The following MEGF6 variants were observed in gnomAD, a reference collection of about 807,000 sequenced individuals.
MEGF6 encodes the protein multiple epidermal growth factor-like domains protein 6.
Under a neutral mutation model 207.1 loss-of-function variants are expected in MEGF6, and 184 were observed. That is an observed-to-expected ratio of 0.89 (90% CI 0.79 to 1.00). The LOEUF (loss-of-function observed/expected upper bound fraction) is 1.00. Ranked by LOEUF, MEGF6 falls within the 50% of genes least tolerant of loss-of-function variation. The probability of loss-of-function intolerance (pLI) is 0.00; values close to 1 mark genes in which losing one functional copy is unlikely to be tolerated. For missense variants in MEGF6, 2,282 were observed against 2,202.9 expected (o/e 1.04, Z -0.72); for synonymous variants, 1,038 against 910.0 (o/e 1.14, Z -2.53).
At chr1:3,536,462 C>G (rs932128398) in intron 4 of MEGF6, among the ~76,000 whole-genome samples, 7 of 152,282 alleles carry the variant, frequency 4.6e-5, no homozygotes, top group African/African-American at 1.4e-4. Context: ...GCCGTCCCTC[C>G]TGCTAGGCTA....
intron 34 of MEGF6, chr1:3,493,307 G>A (rs1313095777): frequency 1.4e-5 from 3 of 221,414 alleles, no homozygotes; most frequent in Non-Finnish European, 9.0e-6. Flanking sequence ...CTATCCTCAG[G>A]TGGGTCCCTC....
intron 4 of MEGF6, among the ~76,000 whole-genome samples, chr1:3,551,586 G>A (rs7533321): frequency 0.087 from 13,293 of 152,100 alleles, 897 homozygotes; most frequent in African/African-American, 0.18. Flanking sequence ...CCCAGGATGC[G>A]GTCCAGCTCC....
intron 11 of MEGF6, among the ~76,000 whole-genome samples, chr1:3,509,470 G>A (rs1043721337): frequency 9.2e-5 from 14 of 152,170 alleles, no homozygotes; most frequent in South Asian, 2.1e-4. Flanking sequence ...ACCTGAACCC[G>A]GCCCCTCTGC....
In MEGF6 at chr1:3,511,697, GA is replaced by G. The variant is rs1485869189; in HGVS notation, c.977-11del. 6.3e-7 allele frequency: 1 copy of G among 1,599,780 alleles called. No individual in the cohort carries two copies. Among genetic ancestry groups the G allele is most frequent in the African/African-American group, 1.3e-5 (1 of 74,682 alleles). On this transcript the variant is annotated splice_polypyrimidine_tract_variant and intron_variant, in intron 8 of 36. Coordinates refer to ENST00000356575, the MANE Select transcript of MEGF6 (RefSeq NM_001409.4). ...ATTTCCATCTCAATCCCTGCCGTGA[GA>G]CCAGCCACCCAGGGTATGGGATGGC... is the stretch of plus-strand genomic sequence containing the variant.
At chr1:3,543,089 A>G (rs369703699) in intron 4 of MEGF6, among the ~76,000 whole-genome samples, 4 of 152,346 alleles carry the variant, frequency 2.6e-5, no homozygotes, top group East Asian at 3.9e-4. Context: ...CGGACTGCCC[A>G]GCCCAGCAGA....
chr1:3,583,176 G>A (rs375055471), intron 3 of MEGF6, among the ~76,000 whole-genome samples: 24 of 152,152 alleles, frequency 1.6e-4, no homozygotes, highest in African/African-American at 4.1e-4. Context: ...ACAAAGATGC[G>A]CAAAGCTGCG....
intron 3 of MEGF6, among the ~76,000 whole-genome samples, chr1:3,592,281 C>T (rs1260821451): frequency 6.6e-6 from 1 of 152,194 alleles, no homozygotes; most frequent in Non-Finnish European, 1.5e-5. Flanking sequence ...CTGGAGGCCT[C>T]GTGGTGTGGG....
rs530519542 is a variant in MEGF6, at chr1:3,561,990, T to C, written c.481+17835A>G. Among the ~76,000 whole-genome samples the C allele has an allele frequency of 7.2e-5, 11 of 152,328 alleles. No homozygotes were observed. The East Asian group carries it at 2.1e-3, about 29-fold the overall frequency. ...TCACTCCCCTCCGTGGCCGAGTTCCTGGGACGTTTCATTCTTTGGCGGTGC... is the reference window on the plus strand; with the variant it reads ...TCACTCCCCTCCGTGGCCGAGTTCCCGGGACGTTTCATTCTTTGGCGGTGC... On this transcript the variant is annotated intron_variant, in intron 4 of 36. Coordinates refer to ENST00000356575, the MANE Select transcript of MEGF6 (RefSeq NM_001409.4).
chr1:3,541,571 C>A (rs1006110216), intron 4 of MEGF6, among the ~76,000 whole-genome samples: 2 of 152,194 alleles, frequency 1.3e-5, no homozygotes, highest in African/African-American at 4.8e-5. Context: ...ACTCGTTTCT[C>A]CCGTGCCTGG....
rs201524729 is a variant in MEGF6, at chr1:3,579,826, A to G, written c.480T>C (p.Tyr160=). The G allele has an allele frequency of 1.8e-4, 274 of 1,514,512 alleles. 5 individuals are homozygous for G. The African/African-American group carries it at 3.1e-3, about 17-fold the overall frequency. 93.8% of individuals were successfully genotyped at this position (1,514,512 alleles called of 1,614,324 possible). Residue 160 remains tyrosine (Y), a splice_region_variant and synonymous_variant, in exon 4 of 37, where the codon TAT becomes TAC. Coordinates refer to ENST00000356575, the MANE Select transcript of MEGF6 (RefSeq NM_001409.4). The part of the protein sequence containing the change: ...PPGFQGPRCQ[Y]DVDECRTHNG... ...TGGTCCCCCAGGGGCTCCACTCACCATACTGACAGCGGGGTCCCTGGAAGC... is the reference window on the plus strand; with the variant it reads ...TGGTCCCCCAGGGGCTCCACTCACCGTACTGACAGCGGGGTCCCTGGAAGC...
intron 4 of MEGF6, among the ~76,000 whole-genome samples, chr1:3,540,043 C>T (rs1019301037): frequency 3.5e-4 from 54 of 152,338 alleles, no homozygotes; most frequent in African/African-American, 9.4e-4. Flanking sequence ...ATCTGGAGCA[C>T]GGCCACAGAT....
At chr1:3,498,650 G>A in intron 25 of MEGF6, 48 bp downstream of exon 25, 1 of 1,517,826 alleles carries the variant, frequency 6.6e-7, no homozygotes. Context: ...AGGCGGGGCT[G>A]CACCAAGCAT....
At chr1:3,499,016 C>A in intron 24 of MEGF6, 122 bp downstream of exon 24, 1 of 1,449,232 alleles carries the variant, frequency 6.9e-7, no homozygotes. Flanking sequence ...AAGGCACGGT[C>A]CTCAGTCCTA....
At chr1:3,496,530 G>A in intron 29 of MEGF6, 125 bp downstream of exon 29, 2 of 1,409,856 alleles carry the variant, frequency 1.4e-6, no homozygotes, top group African/African-American at 1.4e-5. Flanking sequence ...TTGGGGCCAG[G>A]CCCAGCCAGA....
chr1:3,616,430 G>C (rs368136326), upstream of MEGF6, among the ~76,000 whole-genome samples: 8 of 152,154 alleles, frequency 5.3e-5, no homozygotes, highest in Admixed American at 2.0e-4. Flanking sequence ...GTACCGCCCC[G>C]GTCTGTTCCT....
upstream of MEGF6, among the ~76,000 whole-genome samples, chr1:3,615,680 G>A (rs928446712): frequency 6.6e-6 from 1 of 152,208 alleles, no homozygotes; most frequent in Admixed American, 6.5e-5. Flanking sequence ...CCTGCAAGAG[G>A]GCCCTGAGCC....
intron 3 of MEGF6, among the ~76,000 whole-genome samples, chr1:3,593,278 C>T (rs754314308): frequency 3.9e-5 from 6 of 152,156 alleles, no homozygotes. Context: ...TGCCCTCAAG[C>T]CTGACTCTGA....
intron 1 of MEGF6, among the ~76,000 whole-genome samples, chr1:3,603,846 G>A (rs561834914): frequency 6.6e-6 from 1 of 152,174 alleles, no homozygotes; most frequent in African/African-American, 2.4e-5. Flanking sequence ...CAGGCCAGCC[G>A]CCCCCAGATG....
At chr1:3,564,946 G>A (rs1643305007) in intron 4 of MEGF6, among the ~76,000 whole-genome samples, 1 of 152,096 alleles carries the variant, frequency 6.6e-6, no homozygotes, top group African/African-American at 2.4e-5. Context: ...CGCTCCAGCC[G>A]AGGCATTCTC....
Sources: gnomAD v4.1 joint callset for allele counts (sites outside exome capture counted in the v4.1 genomes callset) on GRCh38, gnomAD v4.1.1 for gene constraint, MANE v1.5 for transcripts, NCBI Gene and HGNC (gene_info 2026-07-23, HGNC 2026-07-21) for gene names.